SH3BP4: variants seen among roughly 807,000 people sequenced by gnomAD.
The protein encoded by SH3BP4 is SH3 domain-binding protein 4.
In SH3BP4, 33 loss-of-function variants were observed where a neutral mutation model predicts 65.5. The observed-to-expected ratio is 0.50, with a 90% CI of 0.38 to 0.67. SH3BP4 has a LOEUF of 0.67. Among genes scored for constraint, SH3BP4 ranks in the 30% least tolerant of loss-of-function variants. The pLI is 0.00. For missense variants in SH3BP4, 1,134 were observed against 1,261.4 expected (o/e 0.90, Z 1.53); for synonymous variants, 552 against 545.5 (o/e 1.01, Z -0.17).
At chr2:235,040,718 G>A (rs540205624) in intron 3 of SH3BP4, among the ~76,000 whole-genome samples, 170 bp from the exon 4 acceptor site, 5 of 152,022 alleles carry the variant, frequency 3.3e-5, no homozygotes, top group Admixed American at 1.3e-4. Context: ...GAACCAGTTC[G>A]TTGGCCAGGT....
chr2:235,025,022 C>T lies in SH3BP4; in HGVS notation c.-132-9849C>T, dbSNP rs577408679. ...TTATTTCTGGTCACTGGCTGGGGAC[C>T]AGAGCTTGGAAGTATTTCTGGTCTG... On this transcript the variant is annotated intron_variant, in intron 2 of 5. Coordinates refer to ENST00000392011, the MANE Select transcript of SH3BP4 (RefSeq NM_014521.3). Among the ~76,000 whole-genome samples the T allele has an allele frequency of 1.4e-4, 21 of 152,148 alleles. No individual in the cohort carries two copies. The South Asian group carries it at 4.2e-3, about 30-fold the overall frequency.
chr2:234,985,567 G>A (rs1173624473), intron 1 of SH3BP4, among the ~76,000 whole-genome samples: 1 of 151,996 alleles, frequency 6.6e-6, no homozygotes, highest in African/African-American at 2.4e-5. Context: ...TTGACCTTCT[G>A]TGTGCAGGCA....
rs1695318266 is a variant in SH3BP4, at chr2:235,034,753, T to G, written c.-132-118T>G. ...CTCTGTTGGGCCAGGAAAGATGAAA[T>G]GGGTCTGTCCTCATTAGAACAGCCT... On this transcript the variant is annotated intron_variant, in intron 2 of 5. Coordinates refer to ENST00000392011, the MANE Select transcript of SH3BP4 (RefSeq NM_014521.3). The surrounding 1 kb of genome is among the most constrained non-coding windows in gnomAD (Gnocchi z 6.2). 1 of 463,316 alleles carries G rather than the reference T, an allele frequency of 2.2e-6. No individual in the cohort carries two copies. The highest frequency in any genetic ancestry group is 3.9e-6 in the Non-Finnish European group (1 of 254,948). 28.7% of individuals were successfully genotyped at this position (463,316 alleles called of 1,614,324 possible). A position where few individuals can be genotyped will look rare whatever the true frequency, so the allele number is the denominator to read the frequency against.
At position 235,054,828 on chromosome 2, in the gene SH3BP4, A is replaced by C. The variant is rs1285284045; in HGVS notation, c.*1012A>C. On this transcript the variant is annotated 3_prime_UTR_variant, in exon 6 of 6. Transcript: ENST00000392011. The stretch of plus-strand genomic sequence containing the variant: ...GATGCTGTGGTTGGCCTCACAAGCA[A>C]CGCCTTATGCTGATGTGCAGAGGTG... The C allele has an allele frequency of 6.6e-6, 1 of 152,212 alleles. No homozygotes were observed. The highest frequency in any genetic ancestry group is 6.5e-5 in the Admixed American group (1 of 15,284). 9.4% of individuals were successfully genotyped at this position (152,212 alleles called of 1,614,324 possible).
At chr2:234,972,515 A>G (rs912037167) in intron 1 of SH3BP4, among the ~76,000 whole-genome samples, 2 of 151,986 alleles carry the variant, frequency 1.3e-5, no homozygotes, top group East Asian at 1.9e-4. Context: ...GCTTGAGCCC[A>G]TCAGTCTGAG....
chr2:235,042,064 G>A lies in SH3BP4; in HGVS notation c.1295G>A (p.Cys432Tyr), dbSNP rs1177747735. Residue 432 changes from cysteine (C) to tyrosine (Y), a missense_variant, in exon 4 of 6, where the codon TGC becomes TAC. Physicochemically the swap from Cys to Tyr is radical, Grantham distance 194. Coordinates refer to ENST00000392011, the MANE Select transcript of SH3BP4 (RefSeq NM_014521.3). The surrounding 1 kb of genome is among the most constrained non-coding windows in gnomAD (Gnocchi z 7.3). ...EGPYVSVPLN[C>Y]SCGDTVQAQL... The stretch of plus-strand genomic sequence containing the variant: ...CCATATGTCTCCGTCCCGCTCAACT[G>A]CAGCTGTGGGGACACGGTCCAGGCA... The A allele has an allele frequency of 2.5e-6, 4 of 1,613,944 alleles. No individual in the cohort carries two copies. The highest frequency in any genetic ancestry group is 3.4e-6 in the Non-Finnish European group (4 of 1,180,050).
rs1692486116 is a variant in SH3BP4 at position 234,952,230 on chromosome 2, G to C, written c.-207+60G>C. On this transcript the variant is annotated intron_variant, in intron 1 of 5. Transcript: ENST00000392011. The surrounding 1 kb of genome is among the most constrained non-coding windows in gnomAD (Gnocchi z 6.5). ...CAGGGCCCTGGGGGCCGGCGGGGGC[G>C]CGGGGTCGTGCTCGGGGGCTTTGCA... is the stretch of plus-strand genomic sequence containing the variant. 1.3e-5 allele frequency: 2 copies of C among 150,014 alleles called. No individual in the cohort carries two copies. The highest frequency in any genetic ancestry group is 3.6e-4 in the South Asian group (2 of 5,496). The allele number at this position is 150,014 out of a possible 1,614,324, so 9.3% of individuals were successfully genotyped here.
Position 234,967,270 on chromosome 2 carries a change from T to TG in SH3BP4, c.-207+15104dup, listed in dbSNP as rs1263276780. On this transcript the variant is annotated intron_variant, in intron 1 of 5. Coordinates refer to ENST00000392011, the MANE Select transcript of SH3BP4 (RefSeq NM_014521.3). This position sits in a 1 kb window ranked among gnomAD's most constrained non-coding sequence, Gnocchi z 4.6. ...ACAAGGTGCTTAACCGGGACCAGAC[T>TG]GGGGAGCAGGATGGGGCTGTGTTGT... Among the ~76,000 whole-genome samples the TG allele has an allele frequency of 6.6e-6, 1 of 152,018 alleles. No homozygotes were observed. Among genetic ancestry groups the TG allele is most frequent in the East Asian group, 1.9e-4 (1 of 5,184 alleles).
chr2:235,049,841 G>A (rs1194461400), intron 4 of SH3BP4, among the ~76,000 whole-genome samples: 1 of 152,180 alleles, frequency 6.6e-6, no homozygotes, highest in Non-Finnish European at 1.5e-5. Context: ...CTCCACGCCT[G>A]TCACTTCCAG....
intron 1 of SH3BP4, among the ~76,000 whole-genome samples, chr2:234,959,770 G>GC (rs1395127324): frequency 6.6e-6 from 1 of 151,282 alleles, no homozygotes; most frequent in Non-Finnish European, 1.5e-5. Flanking sequence ...TCCTGCCTCA[G>GC]CCCCCCAAGT....
intron 2 of SH3BP4, among the ~76,000 whole-genome samples, chr2:235,012,054 G>T (rs183024938): frequency 6.6e-6 from 1 of 152,248 alleles, no homozygotes; most frequent in Admixed American, 6.5e-5. Context: ...CATGGGGCTG[G>T]TGCCCGCACA....
intron 3 of SH3BP4, among the ~76,000 whole-genome samples, chr2:235,036,720 A>T: frequency 6.6e-6 from 1 of 151,408 alleles, no homozygotes; most frequent in East Asian, 1.9e-4. Flanking sequence ...ACACCACTGC[A>T]CTCTGAGACT....
At chr2:234,999,227 A>G (rs916088160) in intron 2 of SH3BP4, among the ~76,000 whole-genome samples, 2 of 152,372 alleles carry the variant, frequency 1.3e-5, no homozygotes, top group East Asian at 1.9e-4. Context: ...TTGTGGTGTC[A>G]TAACTAGCCT....
intron 1 of SH3BP4, among the ~76,000 whole-genome samples, chr2:234,964,811 C>T (rs12991542): frequency 0.44 from 67,463 of 151,974 alleles, 15,867 homozygotes; most frequent in Middle Eastern, 0.63. Flanking sequence ...ACCAAGAAGA[C>T]GCGATTAGAC....
intron 1 of SH3BP4, among the ~76,000 whole-genome samples, chr2:234,965,907 A>G (rs1692823265): frequency 6.6e-6 from 1 of 152,196 alleles, no homozygotes; most frequent in African/African-American, 2.4e-5. Flanking sequence ...TGCTACTAGG[A>G]TTTGCAAATA....
At chr2:234,954,743 T>A (rs1692550384) in intron 1 of SH3BP4, among the ~76,000 whole-genome samples, 1 of 152,180 alleles carries the variant, frequency 6.6e-6, no homozygotes, top group African/African-American at 2.4e-5. Context: ...CTGGGAGGTG[T>A]TCCTGGTTTT....
chr2:235,045,295 A>G lies in SH3BP4; in HGVS notation c.2478+2048A>G, dbSNP rs1390748711. ...TCGACGTTGCACCAGAGGTGGAAAA[A>G]TGACACAACCAGGAGTACCACACCA... On this transcript the variant is annotated intron_variant, in intron 4 of 5. Coordinates refer to ENST00000392011, the MANE Select transcript of SH3BP4 (RefSeq NM_014521.3). This position sits in a 1 kb window ranked among gnomAD's most constrained non-coding sequence, Gnocchi z 4.3. 3.9e-5 allele frequency among the ~76,000 whole-genome samples: 6 copies of G among 152,174 alleles called. No individual in the cohort carries two copies. Among genetic ancestry groups the G allele is most frequent in the Admixed American group, 3.9e-4 (6 of 15,284 alleles).
At chr2:235,038,296 A>AT (rs1559254226) in intron 3 of SH3BP4, among the ~76,000 whole-genome samples, 189 of 13,090 alleles carry the variant, frequency 0.014, 9 homozygotes, top group African/African-American at 0.14. Flanking sequence ...TATAATATAT[A>AT]TATTATATAT....
At chr2:235,024,357 G>C (rs184712535) in intron 2 of SH3BP4, among the ~76,000 whole-genome samples, 1 of 152,196 alleles carries the variant, frequency 6.6e-6, no homozygotes, top group African/African-American at 2.4e-5. Flanking sequence ...GTGTGTTGGC[G>C]CTTTTTCAGC....
Sources: gnomAD v4.1 joint callset for allele counts (sites outside exome capture counted in the v4.1 genomes callset) on GRCh38, gnomAD v4.1.1 for gene constraint, Gnocchi (gnomAD v3.1) non-coding constraint, MANE v1.5 for transcripts, NCBI Gene and HGNC (gene_info 2026-07-23, HGNC 2026-07-21) for gene names.